SYNE2: variants seen among roughly 807,000 people sequenced by gnomAD.
SYNE2 encodes spectrin repeat containing nuclear envelope protein 2, also known as nesprin-2.
In SYNE2, 431 loss-of-function variants were observed where a neutral mutation model predicts 856.3. The ratio of observed to expected loss-of-function variants is 0.50; its 90% CI spans 0.47 to 0.55. The LOEUF is 0.55. Ranked by LOEUF, SYNE2 falls within the 20% of genes least tolerant of loss-of-function variation. SYNE2 has a pLI of 0.00. For synonymous variants in SYNE2, 2,923 were observed against 2,872.3 expected (o/e 1.02, Z -0.56); for missense variants, 8,129 against 8,023.2 (o/e 1.01, Z -0.50).
At chr14:64,189,416 T>G (rs2098507349) in intron 98 of SYNE2, among the ~76,000 whole-genome samples, 1 of 151,980 alleles carries the variant, frequency 6.6e-6, no homozygotes, top group South Asian at 2.1e-4. Context: ...ATCAGTGGTC[T>G]CCACAGGGAA....
chr14:64,173,701 T>C (rs1425094347), intron 94 of SYNE2, among the ~76,000 whole-genome samples: 2 of 151,658 alleles, frequency 1.3e-5, no homozygotes, highest in African/African-American at 4.9e-5. Context: ...CTCAAACTTC[T>C]GGTGAGGCTA....
intron 66 of SYNE2, among the ~76,000 whole-genome samples, chr14:64,117,206 G>T (rs763808076): frequency 1.8e-4 from 27 of 152,140 alleles, no homozygotes; most frequent in Non-Finnish European, 3.5e-4. Context: ...TTTGCATTTG[G>T]TTTTTTGGGA....
chr14:63,938,934 G>A (rs1395816876), intron 2 of SYNE2, among the ~76,000 whole-genome samples: 1 of 152,106 alleles, frequency 6.6e-6, no homozygotes, highest in African/African-American at 2.4e-5. Context: ...GTGCATGTGC[G>A]TGTGTGTGCG....
rs1471377643 is a variant in SYNE2 at position 63,797,124 on chromosome 14, A to G, written c.-305+35138A>G. 2.0e-5 allele frequency among the ~76,000 whole-genome samples: 3 copies of G among 151,338 alleles called. No individual in the cohort carries two copies. In the East Asian group the frequency reaches 5.9e-4, roughly 30 times the overall value. On this transcript the variant is annotated intron_variant, in intron 1 of 23. Coordinates refer to the SYNE2 transcript ENST00000674003. ...AGAAAAGAAAAGAAAAAGGAAAAGA[A>G]ATAGGCTGGACGTGGTGGCTCATGC... is the stretch of plus-strand genomic sequence containing the variant.
chr14:63,992,113 T>C (rs1483462794), intron 21 of SYNE2, among the ~76,000 whole-genome samples: 1 of 152,100 alleles, frequency 6.6e-6, no homozygotes, highest in Non-Finnish European at 1.5e-5. Flanking sequence ...TCCCTCTGTT[T>C]TTTATTTTCA....
rs199748407 is a variant in SYNE2, at chr14:63,977,967, A to C, written c.1356A>C (p.Glu452Asp). ...TCCTTACCTTTGAAAATAAGGATGA[A>C]AATCACTTGCCATTGGTACCACCTA... ...NILLTFENKD[E>D]NHLPLVPPNK... The change falls in exon 13 of 116, where the codon GAA (glutamate) becomes GAC (aspartate). Residue 452 changes from glutamate to aspartate, a missense_variant. Transcript: ENST00000555002. 95 of 1,614,032 alleles carry C rather than the reference A, an allele frequency of 5.9e-5. No homozygotes were observed. The African/African-American group carries it at 1.2e-3, about 21-fold the overall frequency.
chr14:64,034,527 A>C (rs1257488188), intron 45 of SYNE2: 1 of 519,116 alleles, frequency 1.9e-6, no homozygotes, highest in Non-Finnish European at 3.5e-6. Flanking sequence ...AGTTTCCAAA[A>C]ATTGCCATCA....
chr14:63,958,909 T>C (rs1337907613), intron 8 of SYNE2, among the ~76,000 whole-genome samples: 3 of 152,220 alleles, frequency 2.0e-5, no homozygotes, highest in African/African-American at 7.2e-5. Flanking sequence ...ACGCTCAAAG[T>C]TTTGTCCACT....
chr14:63,802,615 C>T (rs896632409), intron 1 of SYNE2, among the ~76,000 whole-genome samples: 1 of 152,078 alleles, frequency 6.6e-6, no homozygotes, highest in Non-Finnish European at 1.5e-5. Flanking sequence ...GATTCTGTGC[C>T]CGGAATTGGT....
intron 1 of SYNE2, among the ~76,000 whole-genome samples, chr14:63,765,835 T>G (rs1886660456): frequency 6.6e-6 from 1 of 152,040 alleles, no homozygotes; most frequent in African/African-American, 2.4e-5. Flanking sequence ...ATAATCTATT[T>G]TGTAAAAAAA....
At chr14:64,085,035 C>T in intron 57 of SYNE2, 1 of 702,220 alleles carries the variant, frequency 1.4e-6, no homozygotes, top group Non-Finnish European at 2.6e-6. Flanking sequence ...AAACAATCTC[C>T]AAGAGAGTGA....
rs182217203 is a variant in SYNE2, at chr14:64,044,231, C to T, written c.7222-3769C>T. Among the ~76,000 whole-genome samples, 558 of 152,218 alleles carry T rather than the reference C, an allele frequency of 3.7e-3. 3 individuals are homozygous for T. The highest frequency in any genetic ancestry group is 4.2e-3 in the Non-Finnish European group (287 of 67,994). On this transcript the variant is annotated intron_variant, in intron 45 of 115. Coordinates refer to ENST00000555002, the MANE Select transcript of SYNE2 (RefSeq NM_182914.3). ...CCTAGATATGAGACCTAGAGTCAAA[C>T]GAGATCATTTTGGAGCTTTAAAATT...
rs1290225005 is a variant in SYNE2, at chr14:64,225,408, T to TGCTCCTGGCCTGCCTGCTGCC, written c.20607_20627dup (p.Leu6870_Pro6876dup). On this transcript the variant is annotated inframe_insertion, in exon 116 of 116. Transcript: ENST00000555002. ...CTGCAGCTGCTCCTCCTGCTGCTGC[T>TGCTCCTGGCCTGCCTGCTGCC]GCTCCTGGCCTGCCTGCTGCCCTCC... 6.2e-7 allele frequency: 1 copy of TGCTCCTGGCCTGCCTGCTGCC among 1,614,086 alleles called. No homozygotes were observed. Among genetic ancestry groups the TGCTCCTGGCCTGCCTGCTGCC allele is most frequent in the Non-Finnish European group, 8.5e-7 (1 of 1,179,942 alleles).
intron 19 of SYNE2, 96 bp downstream of exon 19, chr14:63,986,713 C>G: frequency 1.5e-6 from 2 of 1,310,342 alleles, no homozygotes; most frequent in Non-Finnish European, 2.2e-6. Flanking sequence ...AATAAGCCTA[C>G]AGTTTTAATT....
intron 69 of SYNE2, 52 bp from the exon 70 acceptor site, chr14:64,122,234 A>T: frequency 6.2e-7 from 1 of 1,614,108 alleles, no homozygotes; most frequent in African/African-American, 1.3e-5. Context: ...TGAATGTAAT[A>T]CAAAATGTTT....
rs753747463 is a variant in SYNE2 at position 64,007,048 on chromosome 14, AATC to A, written c.4406_4408del (p.Ser1469del). 9.3e-6 allele frequency: 15 copies of A among 1,612,602 alleles called. No homozygotes were observed. Among genetic ancestry groups the A allele is most frequent in the Non-Finnish European group, 1.3e-5 (15 of 1,179,136 alleles). ...TTTTCTCATTCATAATCAAGGAAAA[AATC>A]ATTAATCAGACTGGATAAGGTTCTA... On this transcript the variant is annotated inframe_deletion, in exon 31 of 116. Coordinates refer to ENST00000555002, the MANE Select transcript of SYNE2 (RefSeq NM_182914.3).
intron 61 of SYNE2, among the ~76,000 whole-genome samples, chr14:64,095,632 A>G (rs143379936): frequency 0.011 from 1,751 of 152,308 alleles, 23 homozygotes; most frequent in Non-Finnish European, 0.018. Flanking sequence ...TTCTGTGAAT[A>G]AAAAGGATAG....
intron 45 of SYNE2, among the ~76,000 whole-genome samples, chr14:64,032,941 G>T (rs2097052945): frequency 1.3e-5 from 2 of 152,146 alleles, no homozygotes; most frequent in Non-Finnish European, 2.9e-5. Flanking sequence ...GCTGAAGTGG[G>T]AATATCCCTT....
chr14:63,870,974 T>C (rs1297003807), intron 1 of SYNE2, among the ~76,000 whole-genome samples: 3 of 152,056 alleles, frequency 2.0e-5, no homozygotes, highest in Non-Finnish European at 4.4e-5. Flanking sequence ...TCTCATCTAC[T>C]GTCATTTTAC....
Sources: gnomAD v4.1 joint callset for allele counts (sites outside exome capture counted in the v4.1 genomes callset) on GRCh38, gnomAD v4.1.1 for gene constraint, MANE v1.5 for transcripts, NCBI Gene and HGNC (gene_info 2026-07-23, HGNC 2026-07-21) for gene names.